Variants in PIGL observed in about 807,000 individuals in gnomAD.
The protein encoded by PIGL is N-acetylglucosaminyl-phosphatidylinositol de-N-acetylase.
In PIGL, 22 loss-of-function variants were observed where a neutral mutation model predicts 31.1. The observed-to-expected ratio is 0.71, with a 90% CI of 0.51 to 1.01. The LOEUF (loss-of-function observed/expected upper bound fraction) is 1.01. Among genes scored for constraint, PIGL ranks in the 50% least tolerant of loss-of-function variants. The pLI, the probability that PIGL is intolerant of heterozygous loss-of-function variation, is 0.00. For missense variants in PIGL, 302 were observed against 315.9 expected (o/e 0.96, Z 0.33); for synonymous variants, 131 against 117.4 (o/e 1.12, Z -0.75).
At chr17:16,324,228 GT>G (rs2093117922) in intron 6 of PIGL, 1 of 152,016 alleles carries the variant, frequency 6.6e-6, no homozygotes. Context: ...GGCTCCCAAG[GT>G]GCTGAGGTTA....
intron 3 of PIGL, among the ~76,000 whole-genome samples, chr17:16,311,865 A>G (rs918155028): frequency 7.9e-5 from 12 of 152,190 alleles, no homozygotes; most frequent in Non-Finnish European, 1.2e-4. Flanking sequence ...CTCCTTCTAC[A>G]CAGACACAGC....
At chr17:16,311,628 C>G (rs1439490924) in intron 3 of PIGL, among the ~76,000 whole-genome samples, 1 of 148,382 alleles carries the variant, frequency 6.7e-6, no homozygotes, top group Non-Finnish European at 1.5e-5. Context: ...GTTTGTGTCC[C>G]TGGGTACTTG....
intron 2 of PIGL, among the ~76,000 whole-genome samples, chr17:16,246,081 C>A (rs995252212): frequency 3.3e-5 from 5 of 151,658 alleles, no homozygotes; most frequent in African/African-American, 1.2e-4. Context: ...CCTCGGCCTC[C>A]CAAAGTGCTG....
chr17:16,318,989 C>T (rs2093090950), intron 6 of PIGL, among the ~76,000 whole-genome samples: 1 of 151,442 alleles, frequency 6.6e-6, no homozygotes. Flanking sequence ...CACAGTGGCT[C>T]ATGCCTGTAA....
At chr17:16,221,426 A>G (rs1474780321) in intron 1 of PIGL, among the ~76,000 whole-genome samples, 1 of 151,262 alleles carries the variant, frequency 6.6e-6, no homozygotes, top group Non-Finnish European at 1.5e-5. Context: ...AGTTGAGACT[A>G]TAGGCGTGTG....
chr17:16,233,758 A>G (rs1337145320), intron 1 of PIGL, among the ~76,000 whole-genome samples: 2 of 152,172 alleles, frequency 1.3e-5, no homozygotes, highest in African/African-American at 2.4e-5. Flanking sequence ...AAGATGGGAA[A>G]GAATTGTGAA....
intron 2 of PIGL, among the ~76,000 whole-genome samples, chr17:16,250,835 C>T (rs1186523623): frequency 6.6e-6 from 1 of 152,192 alleles, no homozygotes; most frequent in Non-Finnish European, 1.5e-5. Flanking sequence ...GTAGAGCTGG[C>T]ATTTGAGCTG....
In PIGL at chr17:16,317,906, A is replaced by G. The variant is rs746911404; in HGVS notation, c.658A>G (p.Lys220Glu). 2 of 1,612,210 alleles carry G rather than the reference A, an allele frequency of 1.2e-6. No homozygotes were observed. The highest frequency in any genetic ancestry group is 1.7e-5 in the Admixed American group (1 of 59,984). Residue 220 changes from lysine (K) to glutamate (E), a missense_variant and splice_region_variant, in exon 6 of 7, where the codon AAG (lysine) becomes GAG (glutamate). Coordinates refer to ENST00000225609, the MANE Select transcript of PIGL (RefSeq NM_004278.4). ...CAACAGCAAAGAAGTGGCACAGGCCAAGGTGAGGATTGTAAATTCCTGGAC... is the reference window on the plus strand; with the variant it reads ...CAACAGCAAAGAAGTGGCACAGGCCGAGGTGAGGATTGTAAATTCCTGGAC... ...VLNSKEVAQA[K>E]KAMSCHRSQL...
chr17:16,240,882 TG>T (rs71150282), intron 2 of PIGL, among the ~76,000 whole-genome samples: 84,099 of 149,888 alleles, frequency 0.56, 24,500 homozygotes, highest in African/African-American at 0.72. Flanking sequence ...GCCGAGGGGG[TG>T]GGGGGCAGAT....
chr17:16,228,174 C>T (rs970868173), intron 1 of PIGL, among the ~76,000 whole-genome samples: 4 of 151,268 alleles, frequency 2.6e-5, no homozygotes, highest in African/African-American at 9.7e-5. Context: ...ACCTCAGCCC[C>T]CTGAATAGCT....
chr17:16,319,297 A>G (rs956944835), intron 6 of PIGL, among the ~76,000 whole-genome samples: 6 of 152,074 alleles, frequency 3.9e-5, no homozygotes, highest in Non-Finnish European at 7.4e-5. Context: ...GTATTCAAAT[A>G]CCAATGGCTG....
chr17:16,309,134 T>C (rs1040506324), intron 3 of PIGL, among the ~76,000 whole-genome samples: 6 of 151,806 alleles, frequency 4.0e-5, no homozygotes, highest in African/African-American at 1.5e-4. Flanking sequence ...GTAATAATAG[T>C]GTATAAGTAG....
chr17:16,219,105 C>T (rs1186636707), intron 1 of PIGL, among the ~76,000 whole-genome samples: 1 of 127,540 alleles, frequency 7.8e-6, no homozygotes, highest in South Asian at 2.4e-4. Flanking sequence ...CTTGCTCTAT[C>T]GCCTAGGCTG....
At chr17:16,253,970 A>G (rs949409491) in intron 2 of PIGL, among the ~76,000 whole-genome samples, 1 of 151,776 alleles carries the variant, frequency 6.6e-6, no homozygotes, top group African/African-American at 2.4e-5. Context: ...AGGACGTCCC[A>G]GTACCCCAAT....
chr17:16,274,221 G>A (rs1050685668), intron 2 of PIGL, among the ~76,000 whole-genome samples: 3 of 152,180 alleles, frequency 2.0e-5, no homozygotes, highest in African/African-American at 7.2e-5. Flanking sequence ...AAGGCCAGAT[G>A]TAGGAGATAA....
intron 2 of PIGL, among the ~76,000 whole-genome samples, chr17:16,269,089 T>C (rs961368140): frequency 2.6e-5 from 4 of 152,204 alleles, no homozygotes; most frequent in African/African-American, 9.6e-5. Context: ...AACTCTATTC[T>C]ACATCCCTTA....
chr17:16,266,407 A>C (rs1042306354), intron 2 of PIGL, among the ~76,000 whole-genome samples: 3 of 150,852 alleles, frequency 2.0e-5, no homozygotes, highest in African/African-American at 7.3e-5. Flanking sequence ...AAAAAAAAAA[A>C]AGAATGAATA....
rs1278136868 is a variant in PIGL, at chr17:16,299,996, T to C, written c.426+18T>C. On this transcript the variant is annotated intron_variant, in intron 3 of 6. Transcript: ENST00000225609. ...TCAATCTGGTAAGGGGGCAGCTCCC[T>C]GAATGGAAAACCTGAGGTCTTGGTC... 1 of 1,596,390 alleles carries C rather than the reference T, an allele frequency of 6.3e-7. No homozygotes were observed. The highest frequency in any genetic ancestry group is 8.6e-7 in the Non-Finnish European group (1 of 1,164,030).
intron 2 of PIGL, among the ~76,000 whole-genome samples, chr17:16,284,465 C>A (rs553494564): frequency 3.3e-5 from 5 of 152,162 alleles, no homozygotes; most frequent in African/African-American, 1.2e-4. Flanking sequence ...GTAGGACTAA[C>A]GAATTAGGCA....
Sources: allele counts gnomAD v4.1 joint callset (sites outside exome capture counted in the v4.1 genomes callset), GRCh38; gene constraint gnomAD v4.1.1; transcripts MANE v1.5; gene names NCBI Gene and HGNC (gene_info 2026-07-23, HGNC 2026-07-21).